APOBEC3A: variants seen among roughly 807,000 people sequenced by gnomAD.
APOBEC3A encodes the protein apolipoprotein B mRNA editing enzyme catalytic subunit 3A, also known as DNA dC->dU-editing enzyme APOBEC-3A.
Under a neutral mutation model 23.0 loss-of-function variants are expected in APOBEC3A, and 13 were observed. The observed-to-expected ratio is 0.57, with a 90% CI of 0.37 to 0.90. The LOEUF is 0.90. Among genes scored for constraint, APOBEC3A ranks in the 40% least tolerant of loss-of-function variants. The probability of loss-of-function intolerance (pLI) is 0.01; values close to 1 mark genes in which losing one functional copy is unlikely to be tolerated. For synonymous variants in APOBEC3A, 74 were observed against 101.3 expected, an observed-to-expected ratio of 0.73 and a Z score of 1.62; for missense variants, 179 against 264.9, an observed-to-expected ratio of 0.68 and a Z score of 2.25.
intron 4 of APOBEC3A, 28 bp downstream of exon 4, chr22:38,962,241 C>T: frequency 6.2e-7 from 1 of 1,613,650 alleles, no homozygotes; most frequent in East Asian, 2.2e-5. Context: ...CTGCCCGGTG[C>T]CCCATCGGCC....
intron 4 of APOBEC3A, 126 bp from the exon 5 acceptor site, chr22:38,962,369 C>CCT: frequency 6.4e-7 from 1 of 1,553,912 alleles, no homozygotes; most frequent in African/African-American, 1.4e-5. Context: ...TCACAGCCTC[C>CCT]TTCTCTTTCC....
In APOBEC3A at chr22:38,961,594, C is replaced by T. The variant is rs374922066; in HGVS notation, c.382C>T (p.Arg128Cys). 22 of 1,534,176 alleles carry T rather than the reference C, an allele frequency of 1.4e-5. 2 individuals carry two copies. In the East Asian group the frequency reaches 3.0e-4, roughly 21 times the overall value. Residue 128 changes from arginine to cysteine, a missense_variant, in exon 3 of 5, where the codon CGC becomes TGC. This residue lies in a region of APOBEC3A where 37 missense variants were observed against 47.8 expected (regional missense o/e 0.77). Coordinates refer to ENST00000249116, the MANE Select transcript of APOBEC3A (RefSeq NM_145699.4). ...CGTGAGACTGCGTATCTTCGCTGCC[C>T]GCATCTATGATTACGACCCCCTATA... ...THVRLRIFAA[R>C]IYDYDPLYKE...
In APOBEC3A at chr22:38,962,552, A is replaced by G; in HGVS notation, c.*43A>G. On this transcript the variant is annotated 3_prime_UTR_variant, in exon 5 of 5. Coordinates refer to ENST00000249116, the MANE Select transcript of APOBEC3A (RefSeq NM_145699.4). ...CTAAGGAAGGCAGAGACCTGGGTTG[A>G]GCAGCAGAATAAAAGATCTTCTTCC... 1 of 1,505,290 alleles carries G rather than the reference A, an allele frequency of 6.6e-7. No homozygotes were observed. Among genetic ancestry groups the G allele is most frequent in the Non-Finnish European group, 8.9e-7 (1 of 1,128,434 alleles). The allele number at this position is 1,505,290 out of a possible 1,614,324, so 93.2% of individuals were successfully genotyped here.
chr22:38,959,541 G>A lies in APOBEC3A; in HGVS notation c.30-1G>A, dbSNP rs758034453. On this transcript the variant is annotated splice_acceptor_variant, in intron 1 of 4. Transcript: ENST00000249116. LOFTEE classifies it high-confidence loss of function. ...CTGGTCTTTTCCCTGGCTGTCCACA[G>A]ACACTTGATGGATCCACACATATTC... 2 of 1,613,524 alleles carry A rather than the reference G, an allele frequency of 1.2e-6. No homozygotes were observed. Among genetic ancestry groups the A allele is most frequent in the South Asian group, 1.1e-5 (1 of 91,062 alleles).
intron 1 of APOBEC3A, among the ~76,000 whole-genome samples, chr22:38,958,088 C>A (rs1280578302): frequency 1.3e-5 from 2 of 152,210 alleles, no homozygotes; most frequent in Admixed American, 6.5e-5. Context: ...GGCCTAAGCC[C>A]TTTTTATGTT....
chr22:38,959,778 T>G, intron 2 of APOBEC3A, 92 bp downstream of exon 2: 1 of 1,498,300 alleles, frequency 6.7e-7, no homozygotes, highest in Non-Finnish European at 9.0e-7. Context: ...TGTGGTTTCC[T>G]GCAGTGTTTG....
In APOBEC3A at chr22:38,962,699, C is replaced by T. The variant is rs982033917; in HGVS notation, c.*190C>T. 11 of 1,410,282 alleles carry T rather than the reference C, an allele frequency of 7.8e-6. No homozygotes were observed. The highest frequency in any genetic ancestry group is 1.4e-5 in the African/African-American group (1 of 70,058). 87.4% of individuals were successfully genotyped at this position (1,410,282 alleles called of 1,614,324 possible). ...AGTGGGCCGGGCGCGGTGGCTCACG[C>T]CTGTAATCCCAGCACTTTGGAGGCC... On this transcript the variant is annotated 3_prime_UTR_variant, in exon 5 of 5. Transcript: ENST00000249116.
chr22:38,960,860 C>T (rs1164918893), intron 2 of APOBEC3A, among the ~76,000 whole-genome samples: 2 of 151,898 alleles, frequency 1.3e-5, no homozygotes, highest in East Asian at 3.9e-4. Context: ...GCCATCAGGC[C>T]AATGACCTCG....
chr22:38,958,818 C>CTTCT (rs1190575224), intron 1 of APOBEC3A, among the ~76,000 whole-genome samples: 21 of 111,834 alleles, frequency 1.9e-4, no homozygotes, highest in Non-Finnish European at 2.7e-4. Flanking sequence ...TTTCTCTTTC[C>CTTCT]TTCTTTCTTT....
Position 38,962,719 on chromosome 22 carries a change from G to A in APOBEC3A, c.*210G>A. On this transcript the variant is annotated 3_prime_UTR_variant, in exon 5 of 5. Coordinates refer to ENST00000249116, the MANE Select transcript of APOBEC3A (RefSeq NM_145699.4). ...TCACGCCTGTAATCCCAGCACTTTG[G>A]AGGCCAAGGCGGGTGGATCACGAGG... is the stretch of plus-strand genomic sequence containing the variant. 1 of 1,290,622 alleles carries A rather than the reference G, an allele frequency of 7.7e-7. No individual in the cohort carries two copies. The allele number at this position is 1,290,622 out of a possible 1,614,324, so 79.9% of individuals were successfully genotyped here.
rs942198523 is a variant in APOBEC3A, at chr22:38,962,610, C to A, written c.*101C>A. Reference sequence around the variant, plus strand: ...GCAAACAGACCGTTCACCACCATCTCCAGCTGCTCACAGACGCCAGCAAAG... The same window carrying A: ...GCAAACAGACCGTTCACCACCATCTACAGCTGCTCACAGACGCCAGCAAAG... On this transcript the variant is annotated 3_prime_UTR_variant, in exon 5 of 5. Transcript: ENST00000249116. 45 of 1,585,230 alleles carry A rather than the reference C, an allele frequency of 2.8e-5. No individual in the cohort carries two copies. The highest frequency in any genetic ancestry group is 4.1e-5 in the African/African-American group (3 of 74,014).
intron 1 of APOBEC3A, 84 bp from the exon 2 acceptor site, chr22:38,959,458 G>A (rs1453563503): frequency 5.9e-6 from 9 of 1,515,832 alleles, no homozygotes; most frequent in African/African-American, 1.4e-5. Flanking sequence ...TGGGGTGCAA[G>A]GGAGGAAGTG....
At chr22:38,960,625 G>T (rs1922837112) in intron 2 of APOBEC3A, among the ~76,000 whole-genome samples, 1 of 152,212 alleles carries the variant, frequency 6.6e-6, no homozygotes. Context: ...ATTATACCAT[G>T]TCACAGGGAC....
Position 38,957,643 on chromosome 22 carries a change from G to C in APOBEC3A, c.-49G>C. 1 of 1,604,910 alleles carries C rather than the reference G, an allele frequency of 6.2e-7. No individual in the cohort carries two copies. Among genetic ancestry groups the C allele is most frequent in the East Asian group, 2.2e-5 (1 of 44,694 alleles). ...GATCTTAACACCACGCCTTGAGCAA[G>C]TCGCAAGAGCGGGAGGACACAGACC... On this transcript the variant is annotated 5_prime_UTR_variant, in exon 1 of 5. Transcript: ENST00000249116.
chr22:38,959,695 C>T lies in APOBEC3A; in HGVS notation c.174+9C>T, dbSNP rs1211426102. 4.3e-6 allele frequency: 7 copies of T among 1,611,852 alleles called. No homozygotes were observed. Among genetic ancestry groups the T allele is most frequent in the East Asian group, 2.2e-5 (1 of 44,830 alleles). On this transcript the variant is annotated intron_variant, in intron 2 of 4. Transcript: ENST00000249116. ...GCTTTCTACACAACCAGGTGACCGA[C>T]CCAGCCATCCGAATCCGGGCAGGGC...
chr22:38,962,841 C>T lies in APOBEC3A; in HGVS notation c.*332C>T. On this transcript the variant is annotated 3_prime_UTR_variant, in exon 5 of 5. Transcript: ENST00000249116. Reference sequence around the variant, plus strand: ...GGCGTGGTGGCGGGCGCCTGTAGTCCCAGCTACTCTGGAGGCTGAGGCAGG... The same window carrying T: ...GGCGTGGTGGCGGGCGCCTGTAGTCTCAGCTACTCTGGAGGCTGAGGCAGG... The T allele has an allele frequency of 2.3e-6, 1 of 443,144 alleles. No individual in the cohort carries two copies. Among genetic ancestry groups the T allele is most frequent in the Non-Finnish European group, 3.9e-6 (1 of 258,124 alleles). 27.5% of individuals were successfully genotyped at this position (443,144 alleles called of 1,614,324 possible).
chr22:38,960,810 G>A (rs1260337265), intron 2 of APOBEC3A, among the ~76,000 whole-genome samples: 1 of 152,054 alleles, frequency 6.6e-6, no homozygotes, highest in Non-Finnish European at 1.5e-5. Flanking sequence ...GATGAGTAGA[G>A]CAGGTCAATC....
chr22:38,959,655 T>G lies in APOBEC3A; in HGVS notation c.143T>G (p.Met48Arg). The change falls in exon 2 of 5, where the codon ATG becomes AGG. Residue 48 changes from methionine to arginine, a missense_variant. Met to Arg is a moderately conservative substitution (Grantham distance 91). Coordinates refer to ENST00000249116, the MANE Select transcript of APOBEC3A (RefSeq NM_145699.4). Reference sequence around the variant, plus strand: ...CTGGACAATGGCACCTCGGTCAAGATGGACCAGCACAGGGGCTTTCTACAC... The same window carrying G: ...CTGGACAATGGCACCTCGGTCAAGAGGGACCAGCACAGGGGCTTTCTACAC... The part of the protein sequence containing the change: ...ERLDNGTSVK[M>R]DQHRGFLHNQ... 1 of 1,614,052 alleles carries G rather than the reference T, an allele frequency of 6.2e-7. No homozygotes were observed. The highest frequency in any genetic ancestry group is 8.5e-7 in the Non-Finnish European group (1 of 1,179,992).
intron 1 of APOBEC3A, among the ~76,000 whole-genome samples, chr22:38,958,259 G>T (rs557821019): frequency 2.6e-5 from 4 of 152,194 alleles, no homozygotes; most frequent in African/African-American, 9.6e-5. Flanking sequence ...GGAACATTTT[G>T]AACCTTCCTT....
Sources: allele counts gnomAD v4.1 joint callset (sites outside exome capture counted in the v4.1 genomes callset), GRCh38; gene constraint gnomAD v4.1.1; regional missense constraint gnomAD v4.1.1; transcripts MANE v1.5; gene names NCBI Gene and HGNC (gene_info 2026-07-23, HGNC 2026-07-21).